IGSF5: variants seen among roughly 807,000 people sequenced by gnomAD.
IGSF5 encodes immunoglobulin superfamily 5 like.
A neutral mutation model predicts 39.4 loss-of-function variants in IGSF5; 41 were observed. The observed-to-expected ratio is 1.04, with a 90% CI of 0.81 to 1.35. The LOEUF is 1.35. Ranked by LOEUF, IGSF5 falls within the 40% of genes most tolerant of loss-of-function variation. The pLI is 0.00. For synonymous variants in IGSF5, 183 were observed against 175.3 expected (o/e 1.04, Z -0.34); for missense variants, 487 against 494.6 (o/e 0.98, Z 0.15).
intron 4 of IGSF5, among the ~76,000 whole-genome samples, chr21:39,772,075 C>G (rs936944791): frequency 2.0e-5 from 3 of 152,156 alleles, no homozygotes; most frequent in Non-Finnish European, 4.4e-5. Flanking sequence ...ATAGCCAAAG[C>G]CAAATAATGA....
rs766597132 is a variant in IGSF5 at position 39,765,717 on chromosome 21, TC to T, written c.284del (p.Ser95PhefsTer14). On this transcript the variant is annotated frameshift_variant, in exon 3 of 9. Coordinates refer to ENST00000380588, the MANE Select transcript of IGSF5 (RefSeq NM_001080444.2). LOFTEE classifies it high-confidence loss of function. ...EPIITNDRFT[S>X]QRYDQGGNFT... The stretch of plus-strand genomic sequence containing the variant: ...CATCATCACCAATGACCGCTTCACC[TC>T]TCAGAGGTACGACCAGGGCGGGAAC... The T allele has an allele frequency of 1.3e-5, 21 of 1,613,946 alleles. No homozygotes were observed. Among genetic ancestry groups the T allele is most frequent in the Non-Finnish European group, 1.7e-5 (20 of 1,180,006 alleles).
intron 4 of IGSF5, 61 bp from the exon 5 acceptor site, chr21:39,779,029 G>T: frequency 1.3e-6 from 2 of 1,569,400 alleles, no homozygotes; most frequent in Non-Finnish European, 1.7e-6. Flanking sequence ...CTTATAATGG[G>T]GCAGAATCTG....
chr21:39,733,187 C>T, the IGSF5 span, among the ~76,000 whole-genome samples: 27 of 151,960 alleles, frequency 1.8e-4, no homozygotes, highest in South Asian at 2.3e-3. Flanking sequence ...AAATGGCAAA[C>T]GACATAATGC....
In IGSF5 at chr21:39,801,743, A is replaced by G. The variant is rs186597405; in HGVS notation, c.*386A>G. 28 of 161,402 alleles carry G rather than the reference A, an allele frequency of 1.7e-4. No individual in the cohort carries two copies. Among genetic ancestry groups the G allele is most frequent in the Admixed American group, 1.1e-3 (19 of 16,666 alleles). 10.0% of individuals were successfully genotyped at this position (161,402 alleles called of 1,614,324 possible). ...AAGCATATGAAGATGATATTTATGT[A>G]TATTTAATATGTAGGGGTATTATTA... On this transcript the variant is annotated 3_prime_UTR_variant, in exon 9 of 9. Transcript: ENST00000380588.
At chr21:39,797,976 A>ACTTTGTTTTGTGATCG (rs1249525033) in intron 8 of IGSF5, among the ~76,000 whole-genome samples, 355 of 152,194 alleles carry the variant, frequency 2.3e-3, no homozygotes, top group Non-Finnish European at 4.5e-3. Context: ...CTTTGTGATC[A>ACTTTGTTTTGTGATCG]GCGGCACTTT....
intron 8 of IGSF5, among the ~76,000 whole-genome samples, chr21:39,794,098 T>C (rs1337736889): frequency 6.6e-6 from 1 of 152,194 alleles, no homozygotes; most frequent in Non-Finnish European, 1.5e-5. Context: ...TTGCTCTGCA[T>C]GCAAGTTCTA....
intron 6 of IGSF5, among the ~76,000 whole-genome samples, chr21:39,789,329 A>G (rs2086946672): frequency 6.6e-6 from 1 of 152,212 alleles, no homozygotes; most frequent in African/African-American, 2.4e-5. Flanking sequence ...AAAAGCTAGT[A>G]TATCTTGAGT....
chr21:39,792,085 A>T lies in IGSF5; in HGVS notation c.1034A>T (p.Glu345Val). 6.2e-7 allele frequency: 1 copy of T among 1,608,848 alleles called. No homozygotes were observed. Among genetic ancestry groups the T allele is most frequent in the Non-Finnish European group, 8.5e-7 (1 of 1,176,910 alleles). ...GNENSGYNSDEQKTTDTASLP... is the reference protein window; with the variant it reads ...GNENSGYNSDVQKTTDTASLP... ...GAAAACTCCGGCTACAATTCAGATG[A>T]ACAAAAGACCACAGGTGAGTAGACA... The change falls in exon 7 of 9, where the codon GAA (glutamate) becomes GTA (valine). Residue 345 changes from glutamate to valine, a missense_variant. By Grantham distance (121) the Glu-to-Val change is moderately radical. Transcript: ENST00000380588.
chr21:39,717,286 G>T, the IGSF5 span, among the ~76,000 whole-genome samples: 1 of 152,110 alleles, frequency 6.6e-6, no homozygotes, highest in South Asian at 2.1e-4. Flanking sequence ...TTCCCATTTT[G>T]CAGGCTGTAT....
intron 3 of IGSF5, 88 bp downstream of exon 3, chr21:39,765,940 C>T: frequency 3.4e-6 from 4 of 1,182,622 alleles, no homozygotes; most frequent in Non-Finnish European, 4.8e-6. Flanking sequence ...CGTATGATGG[C>T]AGACGTGGTC....
the IGSF5 span, among the ~76,000 whole-genome samples, chr21:39,714,597 C>T: frequency 6.6e-6 from 1 of 152,224 alleles, no homozygotes; most frequent in African/African-American, 2.4e-5. Context: ...GAGATCTACT[C>T]CAGGCTCTCC....
At chr21:39,759,510 T>C (rs2837173) in intron 2 of IGSF5, among the ~76,000 whole-genome samples, 124,187 of 152,056 alleles carry the variant, frequency 0.82, 50,881 homozygotes, top group Admixed American at 0.86. Context: ...AAAACTCTTC[T>C]AAAGGTTTGG....
the IGSF5 span, among the ~76,000 whole-genome samples, chr21:39,713,160 GT>G: frequency 6.6e-6 from 1 of 152,192 alleles, no homozygotes; most frequent in Admixed American, 6.5e-5. Context: ...CCACCGTGTG[GT>G]CACAGGAGTT....
At chr21:39,800,140 T>C (rs1171125350) in intron 8 of IGSF5, among the ~76,000 whole-genome samples, 6 of 152,226 alleles carry the variant, frequency 3.9e-5, no homozygotes, top group Non-Finnish European at 4.4e-5. Context: ...TGCTTTTTTA[T>C]TTCAATATGA....
At chr21:39,781,101 G>T (rs1245183767) in intron 5 of IGSF5, among the ~76,000 whole-genome samples, 1 of 152,106 alleles carries the variant, frequency 6.6e-6, no homozygotes, top group Admixed American at 6.6e-5. Context: ...CTAAACTAAA[G>T]GTCTAGTCTT....
intron 5 of IGSF5, among the ~76,000 whole-genome samples, chr21:39,782,531 G>C (rs2146288702): frequency 6.6e-6 from 1 of 152,168 alleles, no homozygotes; most frequent in South Asian, 2.1e-4. Flanking sequence ...CTTCCCCCCA[G>C]TCCCTGGCAA....
chr21:39,736,145 T>A, the IGSF5 span, among the ~76,000 whole-genome samples: 1 of 152,096 alleles, frequency 6.6e-6, no homozygotes, highest in Non-Finnish European at 1.5e-5. Flanking sequence ...ATACCCATCA[T>A]TCTCTCTGCC....
At chr21:39,735,614 TA>T in the IGSF5 span, among the ~76,000 whole-genome samples, 1 of 152,210 alleles carries the variant, frequency 6.6e-6, no homozygotes, top group Non-Finnish European at 1.5e-5. Flanking sequence ...ATGGTTCTCA[TA>T]CAAATCTAAA....
intron 2 of IGSF5, among the ~76,000 whole-genome samples, chr21:39,751,744 T>A (rs2080006924): frequency 1.3e-5 from 2 of 152,208 alleles, no homozygotes; most frequent in Admixed American, 6.5e-5. Flanking sequence ...TCTGGGCTTT[T>A]GGAAAGGACT....
Sources: gnomAD v4.1 joint callset for allele counts (sites outside exome capture counted in the v4.1 genomes callset) on GRCh38, gnomAD v4.1.1 for gene constraint, MANE v1.5 for transcripts, NCBI Gene and HGNC (gene_info 2026-07-23, HGNC 2026-07-21) for gene names.